Variants in DIAPH3 observed in about 807,000 individuals in gnomAD.
The protein encoded by DIAPH3 is diaphanous related formin 3.
Under a neutral mutation model 144.3 loss-of-function variants are expected in DIAPH3, and 117 were observed. The observed-to-expected ratio is 0.81, with a 90% CI of 0.70 to 0.95. DIAPH3 has a LOEUF of 0.95. Among genes scored for constraint, DIAPH3 ranks in the 40% least tolerant of loss-of-function variants. The pLI is 0.00. For synonymous variants in DIAPH3, 519 were observed against 488.9 expected (o/e 1.06, Z -0.81); for missense variants, 1,421 against 1,412.7 (o/e 1.01, Z -0.09).
intron 12 of DIAPH3, among the ~76,000 whole-genome samples, chr13:59,989,352 A>G (rs1362976503): frequency 6.6e-6 from 1 of 151,836 alleles, no homozygotes; most frequent in Non-Finnish European, 1.5e-5. Flanking sequence ...ATCTTGGAAT[A>G]AAAGCATATT....
chr13:59,971,632 T>C (rs2050385038), intron 15 of DIAPH3, among the ~76,000 whole-genome samples: 1 of 152,198 alleles, frequency 6.6e-6, no homozygotes, highest in Non-Finnish European at 1.5e-5. Flanking sequence ...ACTTAAATGG[T>C]ATTGCCACAT....
chr13:59,688,167 T>C (rs548590035), intron 27 of DIAPH3, among the ~76,000 whole-genome samples: 4 of 152,170 alleles, frequency 2.6e-5, no homozygotes, highest in Admixed American at 2.0e-4. Context: ...GCCATAGAAA[T>C]TGTGGTCATA....
intron 1 of DIAPH3, 151 bp from the exon 2 acceptor site, chr13:60,133,140 A>T: frequency 1.7e-6 from 1 of 588,542 alleles, no homozygotes; most frequent in Non-Finnish European, 3.0e-6. Flanking sequence ...AATCGTTTTA[A>T]TCTCTTTCTC....
At chr13:59,785,173 T>C (rs913976006) in intron 25 of DIAPH3, among the ~76,000 whole-genome samples, 2 of 152,166 alleles carry the variant, frequency 1.3e-5, no homozygotes, top group African/African-American at 4.8e-5. Context: ...TTTCATACTG[T>C]AATTAAGTGA....
intron 14 of DIAPH3, among the ~76,000 whole-genome samples, chr13:59,977,535 C>T (rs1430247897): frequency 6.6e-6 from 1 of 151,738 alleles, no homozygotes; most frequent in African/African-American, 2.4e-5. Flanking sequence ...CTTTCAAAAA[C>T]TCAACCAGCA....
chr13:60,086,344 T>C (rs1019765925), intron 4 of DIAPH3, among the ~76,000 whole-genome samples: 1 of 152,134 alleles, frequency 6.6e-6, no homozygotes, highest in Non-Finnish European at 1.5e-5. Flanking sequence ...ACATAAAACC[T>C]ACCCTATATA....
At chr13:59,814,324 T>C (rs1237473631) in intron 24 of DIAPH3, among the ~76,000 whole-genome samples, 1 of 152,168 alleles carries the variant, frequency 6.6e-6, no homozygotes, top group Non-Finnish European at 1.5e-5. Context: ...AAAGGAGTTC[T>C]TAAACCTATT....
chr13:59,771,323 A>C (rs528506854), intron 27 of DIAPH3, among the ~76,000 whole-genome samples: 54 of 152,292 alleles, frequency 3.5e-4, no homozygotes, highest in African/African-American at 1.3e-3. Flanking sequence ...TTTTTACCCA[A>C]GCTTTCTATA....
intron 7 of DIAPH3, chr13:60,012,879 T>C: frequency 2.0e-6 from 1 of 507,312 alleles, no homozygotes; most frequent in Non-Finnish European, 2.5e-6. Flanking sequence ...CTGATTTTGG[T>C]AATGCAAAAA....
At chr13:60,036,496 C>T (rs1215839580) in intron 5 of DIAPH3, among the ~76,000 whole-genome samples, 1 of 151,318 alleles carries the variant, frequency 6.6e-6, no homozygotes, top group East Asian at 1.9e-4. Context: ...TATTGAATAA[C>T]AGGAAAGAAA....
chr13:59,941,457 T>C (rs137961044), intron 17 of DIAPH3, among the ~76,000 whole-genome samples: 2 of 152,140 alleles, frequency 1.3e-5, no homozygotes, highest in East Asian at 3.9e-4. Flanking sequence ...CTCCAAAGAA[T>C]AACTAAATAA....
At chr13:59,892,092 G>A (rs1231737636) in intron 20 of DIAPH3, among the ~76,000 whole-genome samples, 1 of 151,756 alleles carries the variant, frequency 6.6e-6, no homozygotes, top group Non-Finnish European at 1.5e-5. Flanking sequence ...AGAGGGAGAA[G>A]GGGAGAAAAA....
intron 1 of DIAPH3, among the ~76,000 whole-genome samples, chr13:60,148,401 C>T (rs1951632330): frequency 6.6e-6 from 1 of 152,172 alleles, no homozygotes; most frequent in East Asian, 1.9e-4. Context: ...AAAAATTCAG[C>T]TCTTTGGTAG....
chr13:59,741,732 A>G (rs2036465748), intron 27 of DIAPH3, among the ~76,000 whole-genome samples: 1 of 152,002 alleles, frequency 6.6e-6, no homozygotes, highest in South Asian at 2.1e-4. Flanking sequence ...AAGAAAAGAG[A>G]AAAAAGAGGG....
chr13:59,845,178 T>C (rs1236949954), intron 22 of DIAPH3, among the ~76,000 whole-genome samples: 1 of 151,984 alleles, frequency 6.6e-6, no homozygotes, highest in Non-Finnish European at 1.5e-5. Context: ...CCTGAGTAGC[T>C]AGGATTATAG....
At chr13:59,797,684 A>G (rs2039684596) in intron 25 of DIAPH3, among the ~76,000 whole-genome samples, 1 of 152,158 alleles carries the variant, frequency 6.6e-6, no homozygotes, top group Admixed American at 6.5e-5. Context: ...TTAGATGAAG[A>G]GGAAGGAGTG....
At chr13:60,121,258 C>G (rs1217438531) in intron 2 of DIAPH3, among the ~76,000 whole-genome samples, 1 of 151,518 alleles carries the variant, frequency 6.6e-6, no homozygotes, top group Non-Finnish European at 1.5e-5. Context: ...ATATGCATAA[C>G]TGAAAGAAAT....
chr13:60,124,745 T>C (rs977592016), intron 2 of DIAPH3, among the ~76,000 whole-genome samples: 63 of 151,980 alleles, frequency 4.1e-4, no homozygotes, highest in African/African-American at 1.5e-3. Flanking sequence ...TCCCAGCTAC[T>C]TGGGGGTCTG....
intron 5 of DIAPH3, among the ~76,000 whole-genome samples, chr13:60,032,699 G>C (rs1013633399): frequency 2.0e-5 from 3 of 152,206 alleles, no homozygotes; most frequent in African/African-American, 7.2e-5. Flanking sequence ...GGGAGGGGCT[G>C]CCAAAGGTCT....
Sources: allele counts gnomAD v4.1 joint callset (sites outside exome capture counted in the v4.1 genomes callset), GRCh38; gene constraint gnomAD v4.1.1; transcripts MANE v1.5; gene names NCBI Gene and HGNC (gene_info 2026-07-23, HGNC 2026-07-21).